The following CROCC2 variants were observed in gnomAD, a reference collection of about 807,000 sequenced individuals.
CROCC2 encodes the protein ciliary rootlet coiled-coil protein 2.
In CROCC2, 163 loss-of-function variants were observed where a neutral mutation model predicts 177.6. The ratio of observed to expected loss-of-function variants is 0.92; its 90% CI spans 0.81 to 1.05. CROCC2 has a LOEUF of 1.05. CROCC2 is among the 50% of genes least tolerant of loss of function. CROCC2 has a pLI of 0.00. For synonymous variants in CROCC2, 904 were observed against 787.3 expected, an observed-to-expected ratio of 1.15 and a Z score of -2.48; for missense variants, 1,929 against 1,797.8, an observed-to-expected ratio of 1.07 and a Z score of -1.32.
Position 240,960,018 on chromosome 2 carries a change from C to T in CROCC2, c.3087+574C>T, listed in dbSNP as rs543984355. Among the ~76,000 whole-genome samples, 20 of 152,364 alleles carry T rather than the reference C, an allele frequency of 1.3e-4. No homozygotes were observed. The highest frequency in any genetic ancestry group is 4.8e-4 in the African/African-American group (20 of 41,594). On this transcript the variant is annotated intron_variant, in intron 20 of 31. Transcript: ENST00000690015. This position sits in a 1 kb window ranked among gnomAD's most constrained non-coding sequence, Gnocchi z 5.0. ...GCAGCCAAAGGCTCCAGGAGTCCAG[C>T]CGGCCCCCTCGTTCCACGCACAGTT...
chr2:240,956,990 G>A (rs999991684), intron 19 of CROCC2, among the ~76,000 whole-genome samples: 6 of 152,154 alleles, frequency 3.9e-5, no homozygotes, highest in African/African-American at 9.7e-5. Context: ...GGGCCCAGGC[G>A]GCCTGAGGAG....
At position 240,935,543 on chromosome 2, in the gene CROCC2, C is replaced by A; in HGVS notation, c.2124C>A (p.Ala708=). Residue 708 remains alanine, a synonymous_variant, in exon 14 of 32, where the codon GCC becomes GCA. Transcript: ENST00000690015. ...QRQEQLEGQA[A]LLGREKAQLQ... ...AGGAGCAGCTGGAGGGGCAGGCAGCCCTGCTGGGGCGAGAGAAGGCCCAGC... is the reference window on the plus strand; with the variant it reads ...AGGAGCAGCTGGAGGGGCAGGCAGCACTGCTGGGGCGAGAGAAGGCCCAGC... 2 of 1,345,102 alleles carry A rather than the reference C, an allele frequency of 1.5e-6. No homozygotes were observed. Among genetic ancestry groups the A allele is most frequent in the Non-Finnish European group, 1.9e-6 (2 of 1,046,898 alleles). 83.3% of individuals were successfully genotyped at this position (1,345,102 alleles called of 1,614,324 possible). A position where few individuals can be genotyped will look rare whatever the true frequency, so the allele number is the denominator to read the frequency against.
chr2:240,918,668 G>T lies in CROCC2; in HGVS notation c.79-58G>T, dbSNP rs1424176741. On this transcript the variant is annotated intron_variant, in intron 1 of 31. Transcript: ENST00000690015. This position sits in a 1 kb window ranked among gnomAD's most constrained non-coding sequence, Gnocchi z 6.3. ...GCTCCCATTCAGTGGGATCGTAGAG[G>T]GTGCCTGGCAGCTGTTGGGGGCTGC... The T allele has an allele frequency of 5.6e-6, 3 of 535,196 alleles. No homozygotes were observed. The highest frequency in any genetic ancestry group is 1.0e-5 in the Non-Finnish European group (3 of 298,044). The allele number at this position is 535,196 out of a possible 1,614,324, so 33.2% of individuals were successfully genotyped here. A position where few individuals can be genotyped will look rare whatever the true frequency, so the allele number is the denominator to read the frequency against.
chr2:240,928,991 G>A (rs114786031), intron 5 of CROCC2, among the ~76,000 whole-genome samples: 8 of 150,914 alleles, frequency 5.3e-5, no homozygotes, highest in South Asian at 2.1e-4. Flanking sequence ...TCAGAGAGTC[G>A]TGCCCTCCAG....
At chr2:240,929,734 C>A in intron 5 of CROCC2, 1 of 461,482 alleles carries the variant, frequency 2.2e-6, no homozygotes. Context: ...GGCAGCCCGT[C>A]CTCTTCCATT....
intron 21 of CROCC2, 58 bp downstream of exon 21, chr2:240,963,831 C>A: frequency 6.6e-7 from 1 of 1,518,720 alleles, no homozygotes; most frequent in Non-Finnish European, 8.9e-7. Flanking sequence ...CCCACCCAGG[C>A]CGTAGGGAGG....
At chr2:240,948,137 G>A (rs537632927) in intron 15 of CROCC2, among the ~76,000 whole-genome samples, 372 of 152,252 alleles carry the variant, frequency 2.4e-3, no homozygotes, top group Non-Finnish European at 4.2e-3. Flanking sequence ...GCCTGGGAGT[G>A]TTGGGATGGG....
At chr2:240,956,084 TC>T in intron 19 of CROCC2, 112 bp downstream of exon 19, 1 of 763,054 alleles carries the variant, frequency 1.3e-6, no homozygotes, top group South Asian at 1.6e-5. Flanking sequence ...TCCCCTCCCT[TC>T]CTGAGCCTCA....
rs145953153 is a variant in CROCC2 at position 240,975,951 on chromosome 2, G to A, written c.4402-6929G>A. On this transcript the variant is annotated intron_variant, in intron 27 of 31. Coordinates refer to ENST00000690015, the MANE Select transcript of CROCC2 (RefSeq NM_001351305.2). ...TCATTGTGTTGTCCAGGCTGGTCTC[G>A]AACTCCTGACCTCAGAAAATCTGCC... Among the ~76,000 whole-genome samples, 653 of 152,038 alleles carry A rather than the reference G, an allele frequency of 4.3e-3. 5 individuals are homozygous for A. Among genetic ancestry groups the A allele is most frequent in the African/African-American group, 0.015 (625 of 41,484 alleles).
At chr2:240,911,922 C>T (rs1306564469) in intron 1 of CROCC2, among the ~76,000 whole-genome samples, 2 of 152,148 alleles carry the variant, frequency 1.3e-5, no homozygotes, top group African/African-American at 4.8e-5. Flanking sequence ...TTCTGCCTGC[C>T]GGCCGCTGTG....
At chr2:240,916,467 C>A (rs1574744293) in intron 1 of CROCC2, among the ~76,000 whole-genome samples, 1 of 71,238 alleles carries the variant, frequency 1.4e-5, no homozygotes, top group Non-Finnish European at 2.8e-5. Context: ...CATGCGCTCC[C>A]CCCGTGCCCC....
rs577367733 is a variant in CROCC2 at position 240,917,326 on chromosome 2, T to C, written c.79-1400T>C. Among the ~76,000 whole-genome samples, 8 of 146,868 alleles carry C rather than the reference T, an allele frequency of 5.4e-5. No homozygotes were observed. The East Asian group carries it at 1.7e-3, about 31-fold the overall frequency. ...GGGGCCGCGATCTTTGGGGTGCAGA[T>C]GGAGGAGGAGGCCTGTGTCCAGGGA... On this transcript the variant is annotated intron_variant, in intron 1 of 31. Coordinates refer to ENST00000690015, the MANE Select transcript of CROCC2 (RefSeq NM_001351305.2). This position sits in a 1 kb window ranked among gnomAD's most constrained non-coding sequence, Gnocchi z 4.9.
chr2:240,932,481 G>C (rs747684555), intron 8 of CROCC2, 67 bp downstream of exon 8: 2 of 712,838 alleles, frequency 2.8e-6, no homozygotes, highest in South Asian at 3.0e-5. Flanking sequence ...AGTCTCCCCT[G>C]CCACAGGAAG....
chr2:240,965,545 G>A (rs1345772123), intron 23 of CROCC2, 27 bp downstream of exon 23: 2 of 1,550,128 alleles, frequency 1.3e-6, no homozygotes, highest in East Asian at 2.4e-5. Context: ...TGGTCAGAAG[G>A]GAAGGAGCTG....
intron 19 of CROCC2, among the ~76,000 whole-genome samples, chr2:240,957,115 G>A (rs1326953569): frequency 1.3e-5 from 2 of 152,072 alleles, no homozygotes; most frequent in African/African-American, 2.4e-5. Flanking sequence ...GGCACCGGAC[G>A]CCACTCCTCT....
At chr2:240,976,260 A>G (rs1414935034) in intron 27 of CROCC2, among the ~76,000 whole-genome samples, 1 of 88,394 alleles carries the variant, frequency 1.1e-5, no homozygotes, top group Non-Finnish European at 2.4e-5. Flanking sequence ...TAGGAGCCTC[A>G]GGATCCCAGG....
chr2:240,938,596 T>A (rs916901778), intron 14 of CROCC2, among the ~76,000 whole-genome samples: 5 of 152,330 alleles, frequency 3.3e-5, no homozygotes, highest in African/African-American at 1.2e-4. Context: ...TCTTCTTCCC[T>A]CCCCTGCAAA....
intron 27 of CROCC2, among the ~76,000 whole-genome samples, chr2:240,975,875 G>A (rs1246112105): frequency 5.9e-5 from 9 of 151,772 alleles, no homozygotes; most frequent in Middle Eastern, 3.2e-3. Context: ...GATTACAGGC[G>A]CCCGCCACCA....
In CROCC2 at chr2:240,960,683, G is replaced by A. The variant is rs972507430; in HGVS notation, c.3087+1239G>A. On this transcript the variant is annotated intron_variant, in intron 20 of 31. Coordinates refer to ENST00000690015, the MANE Select transcript of CROCC2 (RefSeq NM_001351305.2). This position sits in a 1 kb window ranked among gnomAD's most constrained non-coding sequence, Gnocchi z 5.0. ...CCTGGTGCTGGAGCGAGCGGCTGGC[G>A]CACACCACGCCCCAGAGGCCGGGCC... Among the ~76,000 whole-genome samples the A allele has an allele frequency of 2.0e-5, 3 of 152,250 alleles. No homozygotes were observed. Among genetic ancestry groups the A allele is most frequent in the Middle Eastern group, 3.4e-3 (1 of 294 alleles).
Sources: gnomAD v4.1 joint callset for allele counts (sites outside exome capture counted in the v4.1 genomes callset) on GRCh38, gnomAD v4.1.1 for gene constraint, Gnocchi (gnomAD v3.1) non-coding constraint, MANE v1.5 for transcripts, NCBI Gene and HGNC (gene_info 2026-07-23, HGNC 2026-07-21) for gene names.